Variants in AGBL1 observed in about 807,000 individuals in gnomAD.
AGBL1 encodes the protein AGBL carboxypeptidase 1, also known as cytosolic carboxypeptidase 4.
Under a neutral mutation model 118.9 loss-of-function variants are expected in AGBL1, and 130 were observed. The ratio of observed to expected loss-of-function variants is 1.09; its 90% CI spans 0.95 to 1.26. The LOEUF is 1.26. AGBL1 is among the 50% of genes most tolerant of loss of function. AGBL1 has a pLI of 0.00. For missense variants in AGBL1, 1,584 were observed against 1,298.1 expected (o/e 1.22, Z -3.38); for synonymous variants, 555 against 478.9 (o/e 1.16, Z -2.08).
intron 1 of AGBL1, among the ~76,000 whole-genome samples, chr15:86,102,012 A>G (rs887795106): frequency 2.0e-5 from 3 of 150,990 alleles, no homozygotes; most frequent in Admixed American, 6.6e-5. Flanking sequence ...CTGTCGCAGT[A>G]ACATTTGAAT....
At chr15:86,846,866 A>G (rs886194504) in intron 22 of AGBL1, among the ~76,000 whole-genome samples, 1 of 152,110 alleles carries the variant, frequency 6.6e-6, no homozygotes, top group Non-Finnish European at 1.5e-5. Context: ...ACTTTTTCAT[A>G]TTCTTTTTCT....
At chr15:86,134,604 C>CTTTTTTT (rs141645590) in intron 1 of AGBL1, among the ~76,000 whole-genome samples, 1 of 84,614 alleles carries the variant, frequency 1.2e-5, no homozygotes. Context: ...TCAATGGTGC[C>CTTTTTTT]TTTTTTTTTT....
intron 23 of AGBL1, among the ~76,000 whole-genome samples, chr15:86,939,403 A>G (rs1457891788): frequency 6.6e-6 from 1 of 152,168 alleles, no homozygotes; most frequent in Non-Finnish European, 1.5e-5. Context: ...TCTTGGACTT[A>G]CACCAATGAT....
At chr15:86,603,676 C>T (rs991368050) in intron 21 of AGBL1, among the ~76,000 whole-genome samples, 2 of 152,174 alleles carry the variant, frequency 1.3e-5, no homozygotes, top group African/African-American at 4.8e-5. Flanking sequence ...CTTCCCGCCC[C>T]CTCCATCTGG....
chr15:87,030,094 G>A (rs908573546), downstream of AGBL1, among the ~76,000 whole-genome samples: 3 of 151,860 alleles, frequency 2.0e-5, no homozygotes, highest in Non-Finnish European at 4.4e-5. Flanking sequence ...TAAACTTAAG[G>A]TATCTGGAAA....
chr15:86,545,911 G>A (rs1181466257), intron 19 of AGBL1, 91 bp from the exon 20 acceptor site: 1 of 1,451,922 alleles, frequency 6.9e-7, no homozygotes, highest in Non-Finnish European at 9.3e-7. Context: ...CTTTCTTTGA[G>A]CCATGGAACA....
chr15:86,137,489 G>T (rs1377177266), intron 1 of AGBL1, among the ~76,000 whole-genome samples: 2 of 152,142 alleles, frequency 1.3e-5, no homozygotes, highest in Non-Finnish European at 2.9e-5. Flanking sequence ...GCCCACATGT[G>T]GGGGGCTCCT....
chr15:86,597,892 A>G (rs368728071), intron 21 of AGBL1, among the ~76,000 whole-genome samples: 11 of 152,250 alleles, frequency 7.2e-5, no homozygotes, highest in African/African-American at 2.6e-4. Context: ...GGCTTTCTCT[A>G]GTCTGTTCTG....
intron 22 of AGBL1, among the ~76,000 whole-genome samples, chr15:86,878,863 T>C (rs2079851239): frequency 6.6e-6 from 1 of 152,218 alleles, no homozygotes. Flanking sequence ...TCCTCTCTGT[T>C]TGGAGCTCTC....
intron 1 of AGBL1, among the ~76,000 whole-genome samples, chr15:86,081,366 T>A (rs1394775976): frequency 6.6e-6 from 1 of 152,156 alleles, no homozygotes; most frequent in Non-Finnish European, 1.5e-5. Flanking sequence ...TTAAGAAGAT[T>A]TGTATTCCTG....
At chr15:86,337,263 C>G (rs747402477) in intron 17 of AGBL1, among the ~76,000 whole-genome samples, 1 of 152,066 alleles carries the variant, frequency 6.6e-6, no homozygotes, top group Non-Finnish European at 1.5e-5. Flanking sequence ...ACAGACAAAC[C>G]TAGTCACTCA....
At chr15:86,996,662 T>G (rs187534561) in intron 24 of AGBL1, among the ~76,000 whole-genome samples, 1 of 152,286 alleles carries the variant, frequency 6.6e-6, no homozygotes, top group East Asian at 1.9e-4. Flanking sequence ...ATTCTATTAT[T>G]ACATATTTCT....
intron 17 of AGBL1, among the ~76,000 whole-genome samples, chr15:86,349,730 G>C (rs2080596104): frequency 6.6e-6 from 1 of 152,150 alleles, no homozygotes; most frequent in Non-Finnish European, 1.5e-5. Context: ...AGTTGTGATT[G>C]ATGTTCCTTA....
intron 22 of AGBL1, among the ~76,000 whole-genome samples, chr15:86,687,814 C>T (rs549576130): frequency 6.6e-5 from 10 of 152,150 alleles, no homozygotes; most frequent in East Asian, 5.8e-4. Flanking sequence ...TATAGCCCCT[C>T]GATGAGTGTC....
chr15:86,114,278 T>G (rs1897619092), intron 1 of AGBL1, among the ~76,000 whole-genome samples: 2 of 152,258 alleles, frequency 1.3e-5, no homozygotes, highest in South Asian at 4.1e-4. Context: ...GTCTTCAGCC[T>G]TGGACCCTTG....
At chr15:86,519,372 C>T (rs2083158948) in intron 18 of AGBL1, among the ~76,000 whole-genome samples, 1 of 152,146 alleles carries the variant, frequency 6.6e-6, no homozygotes, top group South Asian at 2.1e-4. Flanking sequence ...TCTGCTAATT[C>T]TCCCCCCATA....
chr15:86,771,134 A>G (rs907459296), intron 22 of AGBL1, among the ~76,000 whole-genome samples: 1 of 152,072 alleles, frequency 6.6e-6, no homozygotes, highest in Middle Eastern at 3.2e-3. Flanking sequence ...ACTGCATAAA[A>G]GATTACGCAC....
At chr15:86,419,482 T>G (rs2081754482) in intron 18 of AGBL1, among the ~76,000 whole-genome samples, 1 of 152,054 alleles carries the variant, frequency 6.6e-6, no homozygotes, top group African/African-American at 2.4e-5. Context: ...GAGAATCCCT[T>G]GGGTGCCTAC....
intron 16 of AGBL1, among the ~76,000 whole-genome samples, chr15:86,280,970 G>A (rs2079342596): frequency 6.6e-6 from 1 of 152,230 alleles, no homozygotes; most frequent in South Asian, 2.1e-4. Flanking sequence ...AAGCTAGGCT[G>A]TAACAAGCCA....
Sources: allele counts gnomAD v4.1 joint callset (sites outside exome capture counted in the v4.1 genomes callset), GRCh38; gene constraint gnomAD v4.1.1; transcripts MANE v1.5; gene names NCBI Gene and HGNC (gene_info 2026-07-23, HGNC 2026-07-21).